The following KIAA1210 variants were observed in gnomAD, a reference collection of about 807,000 sequenced individuals.
KIAA1210 encodes the protein KIAA1210.
In KIAA1210, 48 loss-of-function variants were observed where a neutral mutation model predicts 78.9. The ratio of observed to expected loss-of-function variants is 0.61; its 90% confidence interval spans 0.48 to 0.77. The LOEUF is 0.77. KIAA1210 is among the 30% of genes least tolerant of loss of function. KIAA1210 has a pLI of 0.00. For synonymous variants in KIAA1210, 406 were observed against 404.5 expected (o/e 1.00, Z -0.04); for missense variants, 1,108 against 1,100.0 (o/e 1.01, Z -0.10).
At chrX:119,118,835 C>T (rs1374985949) in intron 2 of KIAA1210, among the ~76,000 whole-genome samples, 1 of 112,517 alleles carries the variant, frequency 8.9e-6, no homozygotes, top group Admixed American at 9.4e-5. Flanking sequence ...AGGTCAAGTA[C>T]TTACCATGTT....
At chrX:119,150,210 T>C in intron 1 of KIAA1210, 1 of 993,290 alleles carries the variant, frequency 1.0e-6, no homozygotes, top group South Asian at 2.3e-5. Context: ...ACATCACCCT[T>C]GTGCAGCTCT....
upstream of KIAA1210, among the ~76,000 whole-genome samples, chrX:119,131,072 G>A (rs981431081): frequency 5.4e-5 from 6 of 112,062 alleles, no homozygotes; most frequent in Non-Finnish European, 9.4e-5. Flanking sequence ...GACTTTTCCT[G>A]ACAGCTCTGT....
chrX:119,120,197 G>A (rs1928412728), intron 2 of KIAA1210, among the ~76,000 whole-genome samples: 1 of 111,140 alleles, frequency 9.0e-6, no homozygotes, highest in Non-Finnish European at 1.9e-5. Context: ...CAGGATTACA[G>A]GTATGAGCTA....
In KIAA1210 at chrX:119,116,765, C is replaced by G. The variant is rs966682356; in HGVS notation, c.62-101G>C. 1.2e-5 allele frequency: 9 copies of G among 746,433 alleles called. No individual in the cohort carries two copies. The African/African-American group carries it at 1.9e-4, about 16-fold the overall frequency. The allele number at this position is 746,433 out of a possible 1,213,427, so 61.5% of individuals were successfully genotyped here. The stretch of plus-strand genomic sequence containing the variant: ...AGAGGAAAGAGGACCATGATCCCAC[C>G]CAGGTGTCCTGCAGAGCTTGGACTC... On this transcript the variant is annotated intron_variant, in intron 2 of 11. Transcript: ENST00000691062.
rs780351944 is a variant in KIAA1210, at chrX:119,083,063, T to C, written c.4378A>G (p.Lys1460Glu). 2.5e-6 allele frequency: 3 copies of C among 1,209,638 alleles called. No individual in the cohort carries two copies. Among genetic ancestry groups the C allele is most frequent in the Admixed American group, 4.4e-5 (2 of 45,797 alleles). The stretch of plus-strand genomic sequence containing the variant: ...TTCATCTGTGCTGTCTTCTCCTGTT[T>C]ATGGACACTGGAAGTGAACATCTTT... ...PKKMFTSSVH[K>E]QEKTAQMKPP... Residue 1460 changes from lysine (K) to glutamate (E), a missense_variant, in exon 11 of 12, where the codon AAA (lysine) becomes GAA (glutamate). Around this residue, in one of 5 missense-constraint regions of KIAA1210, gnomAD observed 245 missense variants for 278.8 expected, o/e 0.88. Transcript: ENST00000691062.
chrX:119,144,119 T>C (rs1929111725), intron 2 of KIAA1210, among the ~76,000 whole-genome samples: 1 of 112,254 alleles, frequency 8.9e-6, no homozygotes, highest in African/African-American at 3.2e-5. Flanking sequence ...ACTTGCTCCT[T>C]CATTAGGAGC....
At chrX:119,084,053 C>T (rs1048055584) in intron 10 of KIAA1210, among the ~76,000 whole-genome samples, 3 of 106,688 alleles carry the variant, frequency 2.8e-5, no homozygotes, top group Non-Finnish European at 5.8e-5. Flanking sequence ...GGCTTTACCC[C>T]TCTATGTTCC....
At chrX:119,086,504 C>A in intron 9 of KIAA1210, 42 bp downstream of exon 9, 1 of 1,099,443 alleles carries the variant, frequency 9.1e-7, no homozygotes, top group Non-Finnish European at 1.2e-6. Context: ...CAGTTGTTTC[C>A]ACTTGATATC....
chrX:119,103,031 T>C (rs1368805700), intron 6 of KIAA1210, among the ~76,000 whole-genome samples: 1 of 111,928 alleles, frequency 8.9e-6, no homozygotes, highest in Non-Finnish European at 1.9e-5. Flanking sequence ...AATGCAACCA[T>C]TTGTCTCTTA....
chrX:119,081,126 G>C lies in KIAA1210; in HGVS notation c.*203C>G. 1 of 290,848 alleles carries C rather than the reference G, an allele frequency of 3.4e-6. No homozygotes were observed. The highest frequency in any genetic ancestry group is 9.6e-4 in the Middle Eastern group (1 of 1,046). 24.0% of individuals were successfully genotyped at this position (290,848 alleles called of 1,213,427 possible). On this transcript the variant is annotated 3_prime_UTR_variant, in exon 12 of 12. Transcript: ENST00000691062. ...AAAATACGAAAACAAAATTAGCCGG[G>C]CGTGATGGCGGGCGCCTGTAGTCCC... is the stretch of plus-strand genomic sequence containing the variant.
intron 2 of KIAA1210, among the ~76,000 whole-genome samples, chrX:119,133,208 C>T (rs1928835327): frequency 8.9e-6 from 1 of 111,749 alleles, no homozygotes; most frequent in African/African-American, 3.3e-5. Flanking sequence ...AATCACCCCA[C>T]AGCTTCCTCT....
intron 5 of KIAA1210, among the ~76,000 whole-genome samples, chrX:119,107,957 A>G (rs780029148): frequency 4.5e-5 from 5 of 111,948 alleles, no homozygotes; most frequent in African/African-American, 1.6e-4. Flanking sequence ...TGCTACATAC[A>G]TGCTACATTA....
At chrX:119,107,814 C>T (rs765572318) in intron 5 of KIAA1210, among the ~76,000 whole-genome samples, 1 of 111,895 alleles carries the variant, frequency 8.9e-6, no homozygotes, top group African/African-American at 3.2e-5. Context: ...CAGGCTGAGA[C>T]GGGGAAGGCA....
intron 5 of KIAA1210, among the ~76,000 whole-genome samples, chrX:119,107,005 A>G (rs770656815): frequency 8.9e-6 from 1 of 112,515 alleles, no homozygotes; most frequent in South Asian, 3.7e-4. Context: ...ACTTAATGCT[A>G]TCAACCATCC....
At chrX:119,149,485 C>T (rs948682993) in intron 1 of KIAA1210, among the ~76,000 whole-genome samples, 1 of 111,160 alleles carries the variant, frequency 9.0e-6, no homozygotes, top group Non-Finnish European at 1.9e-5. Context: ...TGGAGACTTG[C>T]AATGAGTGAG....
At chrX:119,096,766 G>C in intron 6 of KIAA1210, 75 bp from the exon 7 acceptor site, 4 of 749,074 alleles carry the variant, frequency 5.3e-6, no homozygotes, top group South Asian at 3.4e-5. Flanking sequence ...TATTCTTCCG[G>C]CTGAAGAATT....
chrX:119,100,426 A>G (rs1350985796), intron 6 of KIAA1210, among the ~76,000 whole-genome samples: 3 of 109,665 alleles, frequency 2.7e-5, no homozygotes, highest in Non-Finnish European at 3.8e-5. Flanking sequence ...TCCTGGCAGA[A>G]TTCTGAAAGA....
At chrX:119,112,827 C>G (rs1208253092) in intron 3 of KIAA1210, among the ~76,000 whole-genome samples, 1 of 111,750 alleles carries the variant, frequency 8.9e-6, no homozygotes, top group African/African-American at 3.3e-5. Flanking sequence ...TTTGACCCAA[C>G]AATTCCACTC....
At chrX:119,115,257 G>A (rs2147186445) in intron 3 of KIAA1210, among the ~76,000 whole-genome samples, 1 of 108,967 alleles carries the variant, frequency 9.2e-6, no homozygotes, top group Non-Finnish European at 1.9e-5. Flanking sequence ...CTCTCTCTCA[G>A]GTTCACATGT....
Sources: allele counts gnomAD v4.1 joint callset (sites outside exome capture counted in the v4.1 genomes callset), GRCh38; gene constraint gnomAD v4.1.1; regional missense constraint gnomAD v4.1.1; transcripts MANE v1.5; gene names NCBI Gene and HGNC (gene_info 2026-07-23, HGNC 2026-07-21).